ZMYM2: variants seen among roughly 807,000 people sequenced by gnomAD.
ZMYM2 encodes zinc finger MYM-type containing 2.
A neutral mutation model predicts 162.8 loss-of-function variants in ZMYM2; 56 were observed. The observed-to-expected ratio is 0.34, with a 90% CI of 0.28 to 0.43. The LOEUF is 0.43. Among genes scored for constraint, ZMYM2 ranks in the 20% least tolerant of loss-of-function variants. The pLI is 1.00. For synonymous variants in ZMYM2, 510 were observed against 541.6 expected, an observed-to-expected ratio of 0.94 and a Z score of 0.81; for missense variants, 1,275 against 1,621.8, an observed-to-expected ratio of 0.79 and a Z score of 3.67.
intron 21 of ZMYM2, among the ~76,000 whole-genome samples, chr13:20,076,673 C>T (rs1957526041): frequency 6.7e-6 from 1 of 150,066 alleles, no homozygotes; most frequent in Non-Finnish European, 1.5e-5. Context: ...GAAGAAAGAA[C>T]TTTATTTACT....
the ZMYM2 span, among the ~76,000 whole-genome samples, chr13:19,923,010 G>A: frequency 5.0e-4 from 68 of 135,960 alleles, no homozygotes; most frequent in South Asian, 2.2e-3. Flanking sequence ...CAACAAGAGC[G>A]AGACTCCATC....
chr13:20,040,016 G>A (rs534447420), intron 12 of ZMYM2, among the ~76,000 whole-genome samples: 73 of 152,284 alleles, frequency 4.8e-4, no homozygotes, highest in African/African-American at 1.6e-3. Context: ...TTTTGGCGTT[G>A]ATGTTCATTA....
chr13:19,969,623 C>T (rs188513878), intron 2 of ZMYM2, among the ~76,000 whole-genome samples: 44 of 152,264 alleles, frequency 2.9e-4, no homozygotes, highest in Non-Finnish European at 6.2e-4. Flanking sequence ...CAAAATAAGA[C>T]TTACTGAGGA....
At chr13:19,945,098 T>C in the ZMYM2 span, among the ~76,000 whole-genome samples, 1 of 152,240 alleles carries the variant, frequency 6.6e-6, no homozygotes, top group Non-Finnish European at 1.5e-5. Context: ...ATTATAGTGA[T>C]ATAATTTAAA....
At chr13:19,935,760 CT>C in the ZMYM2 span, among the ~76,000 whole-genome samples, 1 of 152,178 alleles carries the variant, frequency 6.6e-6, no homozygotes, top group East Asian at 1.9e-4. Context: ...GTTCTCCTGC[CT>C]TTTCCCCTTA....
chr13:20,005,219 A>C lies in ZMYM2; in HGVS notation c.1279A>C (p.Ile427Leu). The change falls in exon 5 of 25, where the codon ATC (isoleucine) becomes CTC (leucine). Residue 427 changes from isoleucine to leucine, a missense_variant. By Grantham distance (5) the Ile-to-Leu change is conservative (BLOSUM62 2). Around this residue, in one of 10 missense-constraint regions of ZMYM2, gnomAD observed 276 missense variants for 311.8 expected, o/e 0.89. Transcript: ENST00000610343. ...KGALNKSRCT[I>L]CGKLTEIRHE... ...AGCTCTAAATAAATCAAGATGTACA[A>C]TCTGTGGTAAACTAACTGAGGTTTG... is the stretch of plus-strand genomic sequence containing the variant. 2 of 1,572,682 alleles carry C rather than the reference A, an allele frequency of 1.3e-6. No individual in the cohort carries two copies. The highest frequency in any genetic ancestry group is 1.7e-6 in the Non-Finnish European group (2 of 1,165,856).
chr13:19,883,874 C>T, the ZMYM2 span, among the ~76,000 whole-genome samples: 45 of 152,296 alleles, frequency 3.0e-4, no homozygotes, highest in African/African-American at 9.1e-4. Flanking sequence ...CTCCTGCCTC[C>T]GCCTCCCGCG....
chr13:20,079,650 T>C (rs1957782430), intron 21 of ZMYM2, among the ~76,000 whole-genome samples: 1 of 151,664 alleles, frequency 6.6e-6, no homozygotes. Flanking sequence ...CAATAAGTAA[T>C]AAAACATTTT....
At position 20,008,054 on chromosome 13, in the gene ZMYM2, GTAAT is replaced by G. The variant is rs200546445; in HGVS notation, c.1512+1475_1512+1478del. 8.6e-3 allele frequency among the ~76,000 whole-genome samples: 1,315 copies of G among 152,316 alleles called. 31 individuals carry two copies. Among genetic ancestry groups the G allele is most frequent in the African/African-American group, 0.03 (1,237 of 41,582 alleles). ...GACTACAATAAGATAATTTCAGAAA[GTAAT>G]TAATTATAGGTGAGTAGACTACAAT... On this transcript the variant is annotated intron_variant, in intron 6 of 24. Coordinates refer to ENST00000610343, the MANE Select transcript of ZMYM2 (RefSeq NM_197968.4).
At chr13:20,010,264 T>C (rs565093766) in intron 6 of ZMYM2, among the ~76,000 whole-genome samples, 1 of 152,258 alleles carries the variant, frequency 6.6e-6, no homozygotes, top group South Asian at 2.1e-4. Flanking sequence ...TGCACAATCT[T>C]GGCTCACTGC....
intron 12 of ZMYM2, among the ~76,000 whole-genome samples, chr13:20,039,056 G>A (rs976303305): frequency 2.6e-5 from 4 of 152,054 alleles, no homozygotes; most frequent in Non-Finnish European, 5.9e-5. Context: ...ATGAGATTGT[G>A]TATCTAATTT....
chr13:19,965,859 C>A (rs545860226), intron 2 of ZMYM2, among the ~76,000 whole-genome samples: 2 of 149,536 alleles, frequency 1.3e-5, no homozygotes, highest in Admixed American at 6.7e-5. Context: ...CTGCAACCTC[C>A]GCCTCCTGGG....
Position 20,035,089 on chromosome 13 carries a change from A to G in ZMYM2, c.2119+685A>G, listed in dbSNP as rs139782445. On this transcript the variant is annotated intron_variant, in intron 11 of 24. Transcript: ENST00000610343. Reference sequence around the variant, plus strand: ...TTCACTTTCTATCTTTCTTTGGTCCATGGCACTGAACTCCCAGCTTTCCTG... The same window carrying G: ...TTCACTTTCTATCTTTCTTTGGTCCGTGGCACTGAACTCCCAGCTTTCCTG... 3.0e-3 allele frequency among the ~76,000 whole-genome samples: 462 copies of G among 152,242 alleles called. 4 individuals are homozygous for G. The highest frequency in any genetic ancestry group is 0.01 in the African/African-American group (430 of 41,554).
At chr13:19,953,724 T>C (rs551799544), upstream of ZMYM2, among the ~76,000 whole-genome samples, 2 of 150,958 alleles carry the variant, frequency 1.3e-5, no homozygotes, top group South Asian at 4.2e-4. Context: ...CTATGGTTCA[T>C]TTGAGATTAC....
In ZMYM2 at chr13:20,045,265, A is replaced by G. The variant is rs972668425; in HGVS notation, c.2293-6168A>G. ...TCTGCAATTCACCATGTTAACTAGC[A>G]TATTGTAAATAAAAAAAGGAAGATG... On this transcript the variant is annotated intron_variant, in intron 12 of 24. Coordinates refer to ENST00000610343, the MANE Select transcript of ZMYM2 (RefSeq NM_197968.4). Among the ~76,000 whole-genome samples, 10 of 152,144 alleles carry G rather than the reference A, an allele frequency of 6.6e-5. 1 individual carries two copies. Among genetic ancestry groups the G allele is most frequent in the Non-Finnish European group, 1.5e-5 (1 of 68,018 alleles).
chr13:19,938,794 A>G, the ZMYM2 span, among the ~76,000 whole-genome samples: 1 of 151,754 alleles, frequency 6.6e-6, no homozygotes, highest in Non-Finnish European at 1.5e-5. Context: ...CTTTGCTTTA[A>G]TCCTTACAAA....
intron 7 of ZMYM2, 54 bp downstream of exon 7, chr13:20,019,672 CT>C (rs1555304182): frequency 6.9e-7 from 1 of 1,452,486 alleles, no homozygotes; most frequent in Non-Finnish European, 9.5e-7. Context: ...AGCACTGCTA[CT>C]ACTGTCATTA....
intron 12 of ZMYM2, among the ~76,000 whole-genome samples, chr13:20,050,921 G>A (rs1164595199): frequency 6.6e-6 from 1 of 152,022 alleles, no homozygotes; most frequent in Non-Finnish European, 1.5e-5. Context: ...TTAAATAAAT[G>A]TATTTATTAA....
the ZMYM2 span, among the ~76,000 whole-genome samples, chr13:19,938,808 A>G: frequency 7.9e-5 from 12 of 151,974 alleles, no homozygotes; most frequent in African/African-American, 2.9e-4. Flanking sequence ...TTACAAAAAG[A>G]TAACCTGGAG....
Sources: gnomAD v4.1 joint callset for allele counts (sites outside exome capture counted in the v4.1 genomes callset) on GRCh38, gnomAD v4.1.1 for gene constraint, gnomAD v4.1.1 regional missense constraint, MANE v1.5 for transcripts, NCBI Gene and HGNC (gene_info 2026-07-23, HGNC 2026-07-21) for gene names.